Variants in NDUFAF6 observed in about 807,000 individuals in gnomAD.
The protein encoded by NDUFAF6 is NADH:ubiquinone oxidoreductase complex assembly factor 6.
A neutral mutation model predicts 40.8 loss-of-function variants in NDUFAF6; 45 were observed. That is an observed-to-expected ratio of 1.10 (90% CI 0.87 to 1.42). The LOEUF is 1.42. Ranked by LOEUF, NDUFAF6 falls within the 40% of genes most tolerant of loss-of-function variation. NDUFAF6 has a pLI of 0.00. For synonymous variants in NDUFAF6, 185 were observed against 155.9 expected, an observed-to-expected ratio of 1.19 and a Z score of -1.39; for missense variants, 435 against 418.5, an observed-to-expected ratio of 1.04 and a Z score of -0.34.
intron 2 of NDUFAF6, among the ~76,000 whole-genome samples, chr8:94,986,520 G>A (rs1825910979): frequency 6.6e-6 from 1 of 152,106 alleles, no homozygotes; most frequent in South Asian, 2.1e-4. Context: ...AACATAAAGA[G>A]ATATGACTTA....
chr8:95,082,690 C>T (rs1002092925), intron 2 of NDUFAF6, among the ~76,000 whole-genome samples: 1 of 151,990 alleles, frequency 6.6e-6, no homozygotes, highest in East Asian at 1.9e-4. Flanking sequence ...GACGGAGTCT[C>T]GCTCTGTCGC....
intron 1 of NDUFAF6, among the ~76,000 whole-genome samples, chr8:94,960,864 C>T (rs1040055455): frequency 1.3e-5 from 2 of 152,198 alleles, no homozygotes; most frequent in East Asian, 1.9e-4. Context: ...ATACCTTTTA[C>T]GGGTAGCTTT....
chr8:95,036,264 A>G, intron 3 of NDUFAF6: 1 of 1,232,410 alleles, frequency 8.1e-7, no homozygotes, highest in Non-Finnish European at 1.0e-6. Context: ...GGAATTAGAT[A>G]CCTTTCATCA....
chr8:94,913,666 G>T (rs996293100), intron 1 of NDUFAF6, among the ~76,000 whole-genome samples: 1 of 152,148 alleles, frequency 6.6e-6, no homozygotes, highest in South Asian at 2.1e-4. Context: ...TAGCATTCTG[G>T]CATGCACCTG....
At chr8:94,941,021 G>T in intron 1 of NDUFAF6, 1 of 1,018,614 alleles carries the variant, frequency 9.8e-7, no homozygotes, top group Non-Finnish European at 1.5e-6. Context: ...TGGCCCAATG[G>T]TACCGACAGG....
chr8:95,087,441 C>T (rs1277915410), intron 2 of NDUFAF6, among the ~76,000 whole-genome samples: 1 of 152,102 alleles, frequency 6.6e-6, no homozygotes, highest in Non-Finnish European at 1.5e-5. Flanking sequence ...GACTTTTTTT[C>T]ATCCCATCAT....
chr8:94,979,644 G>T (rs1825248938), intron 1 of NDUFAF6, among the ~76,000 whole-genome samples: 1 of 152,080 alleles, frequency 6.6e-6, no homozygotes, highest in Non-Finnish European at 1.5e-5. Context: ...ATTTTTTCAA[G>T]TGTTTTTATA....
upstream of NDUFAF6, among the ~76,000 whole-genome samples, chr8:95,095,672 T>C (rs1334522631): frequency 2.6e-5 from 4 of 152,100 alleles, no homozygotes; most frequent in African/African-American, 9.7e-5. Flanking sequence ...TCGCTTTTTT[T>C]TTTTTTCTTT....
downstream of NDUFAF6, among the ~76,000 whole-genome samples, chr8:95,106,909 A>C (rs1809856782): frequency 6.6e-6 from 1 of 152,268 alleles, no homozygotes; most frequent in South Asian, 2.1e-4. Flanking sequence ...GTCATTAGAG[A>C]AATGCAAATC....
downstream of NDUFAF6, chr8:95,078,662 A>AAAATATATATATATATATATATATAT (rs545018367): frequency 8.3e-6 from 1 of 121,052 alleles, no homozygotes; most frequent in African/African-American, 3.3e-5. Flanking sequence ...AAAAAAAAAA[A>AAAATATATATATATATATATATATAT]ATATATATAT....
intron 9 of NDUFAF6, among the ~76,000 whole-genome samples, chr8:95,073,657 C>T (rs1832946736): frequency 6.6e-6 from 1 of 152,166 alleles, no homozygotes; most frequent in Non-Finnish European, 1.5e-5. Flanking sequence ...TTGCATAACA[C>T]TTAAAATAAA....
intron 1 of NDUFAF6, among the ~76,000 whole-genome samples, chr8:95,031,481 C>G (rs1319784455): frequency 2.6e-5 from 4 of 152,178 alleles, no homozygotes; most frequent in Non-Finnish European, 5.9e-5. Flanking sequence ...ATTATAAGTA[C>G]TACATAAGTC....
At chr8:95,109,727 T>C (rs911469950) in intron 4 of NDUFAF6, among the ~76,000 whole-genome samples, 3 of 152,200 alleles carry the variant, frequency 2.0e-5, no homozygotes, top group South Asian at 2.1e-4. Context: ...CTGGACTTCC[T>C]ACTTCTCTCT....
At chr8:95,035,925 T>C (rs1258191660) in intron 3 of NDUFAF6, among the ~76,000 whole-genome samples, 1 of 152,250 alleles carries the variant, frequency 6.6e-6, no homozygotes, top group Non-Finnish European at 1.5e-5. Flanking sequence ...CAGCAGCTCC[T>C]TATACCAGTG....
chr8:95,058,073 T>C lies in NDUFAF6; in HGVS notation c.*136T>C, dbSNP rs548829583. 2.7e-6 allele frequency: 4 copies of C among 1,467,604 alleles called. No individual in the cohort carries two copies. The highest frequency in any genetic ancestry group is 2.6e-5 in the Admixed American group (1 of 38,662). The allele number at this position is 1,467,604 out of a possible 1,614,324, so 90.9% of individuals were successfully genotyped here. On this transcript the variant is annotated 3_prime_UTR_variant, in exon 9 of 9. Coordinates refer to ENST00000396124, the MANE Select transcript of NDUFAF6 (RefSeq NM_152416.4). Reference sequence around the variant, plus strand: ...ATGGGATGTCAAGTAGCTCACAAAATTGAGAAGTTGCCGTGGGACTAGGGT... The same window carrying C: ...ATGGGATGTCAAGTAGCTCACAAAACTGAGAAGTTGCCGTGGGACTAGGGT...
intron 4 of NDUFAF6, among the ~76,000 whole-genome samples, chr8:95,110,791 T>C (rs1309048521): frequency 6.6e-6 from 1 of 152,228 alleles, no homozygotes; most frequent in Non-Finnish European, 1.5e-5. Context: ...GCCTCCCCTC[T>C]TTATTTTGCT....
At chr8:94,903,642 A>G (rs1290640589) in intron 1 of NDUFAF6, among the ~76,000 whole-genome samples, 2 of 152,192 alleles carry the variant, frequency 1.3e-5, no homozygotes, top group Non-Finnish European at 2.9e-5. Flanking sequence ...GGAGTTTATA[A>G]TAGGCTTCAG....
chr8:95,060,899 A>C (rs971629021), downstream of NDUFAF6, among the ~76,000 whole-genome samples: 3 of 152,152 alleles, frequency 2.0e-5, no homozygotes, highest in African/African-American at 7.2e-5. Context: ...AGAAATAGAC[A>C]ATCGAAATAG....
chr8:94,932,089 T>C (rs765944586), intron 1 of NDUFAF6: 22 of 1,610,486 alleles, frequency 1.4e-5, no homozygotes, highest in Middle Eastern at 1.6e-4. Context: ...GTGAGTCTTA[T>C]AAGCAGCTTT....
Sources: gnomAD v4.1 joint callset for allele counts (sites outside exome capture counted in the v4.1 genomes callset) on GRCh38, gnomAD v4.1.1 for gene constraint, MANE v1.5 for transcripts, NCBI Gene and HGNC (gene_info 2026-07-23, HGNC 2026-07-21) for gene names.